KSR1: variants seen among roughly 807,000 people sequenced by gnomAD.
KSR1 encodes kinase suppressor of ras.
In KSR1, 35 loss-of-function variants were observed where a neutral mutation model predicts 92.9. That is an observed-to-expected ratio of 0.38 (90% confidence interval 0.29 to 0.50). The LOEUF (loss-of-function observed/expected upper bound fraction) is 0.50. KSR1 is among the 20% of genes least tolerant of loss of function. The probability of loss-of-function intolerance (pLI) is 0.94; values close to 1 mark genes in which losing one functional copy is unlikely to be tolerated. For synonymous variants in KSR1, 467 were observed against 472.6 expected (o/e 0.99, Z 0.15); for missense variants, 972 against 1,158.5 (o/e 0.84, Z 2.34).
chr17:27,607,155 CA>C (rs984767220), intron 14 of KSR1, among the ~76,000 whole-genome samples: 4 of 152,098 alleles, frequency 2.6e-5, no homozygotes, highest in African/African-American at 9.7e-5. Flanking sequence ...TATTCATTAA[CA>C]AAAAAATCTT....
At chr17:27,581,263 C>T (rs2072742237) in intron 3 of KSR1, among the ~76,000 whole-genome samples, 1 of 152,140 alleles carries the variant, frequency 6.6e-6, no homozygotes, top group Non-Finnish European at 1.5e-5. Flanking sequence ...CCAAAACAGT[C>T]ATGAGAAACC....
chr17:27,601,998 T>A (rs754348226), intron 11 of KSR1: 6 of 1,442,796 alleles, frequency 4.2e-6, no homozygotes, highest in Non-Finnish European at 4.8e-6. Flanking sequence ...AAAGTTGTTT[T>A]CTACACTTAC....
At chr17:27,548,705 C>T (rs1487381894) in intron 1 of KSR1, among the ~76,000 whole-genome samples, 1 of 152,104 alleles carries the variant, frequency 6.6e-6, no homozygotes, top group African/African-American at 2.4e-5. Context: ...TGGCATGCGC[C>T]TATACTTCCA....
chr17:27,481,327 T>C (rs1274420175), intron 1 of KSR1, among the ~76,000 whole-genome samples: 1 of 152,230 alleles, frequency 6.6e-6, no homozygotes, highest in African/African-American at 2.4e-5. Flanking sequence ...CCAGTTTTCT[T>C]GTTTGTGGAA....
chr17:27,576,288 C>G (rs1379102590), intron 2 of KSR1, among the ~76,000 whole-genome samples: 1 of 152,110 alleles, frequency 6.6e-6, no homozygotes, highest in African/African-American at 2.4e-5. Flanking sequence ...CAGTGGATGC[C>G]TGAAACCATG....
rs1354136322 is a variant in KSR1, at chr17:27,590,819, C to T, written c.1055C>T (p.Thr352Ile). 2 of 1,610,522 alleles carry T rather than the reference C, an allele frequency of 1.2e-6. No individual in the cohort carries two copies. Among genetic ancestry groups the T allele is most frequent in the African/African-American group, 1.3e-5 (1 of 74,876 alleles). Residue 352 changes from threonine to isoleucine, a missense_variant, in exon 7 of 21, where the codon ACC becomes ATC. By Grantham distance (89) the Thr-to-Ile change is moderately conservative. Transcript: ENST00000644974. ...IGLSVTHRFS[T>I]KSWLSQVCHV... ...GTGTCCGCCCTCTGCAGGTTCTCCA[C>T]CAAGTCCTGGCTGTCGCAGGTCTGC...
chr17:27,456,820 C>A lies in KSR1; in HGVS notation c.177C>A (p.Arg59=). The part of the protein sequence containing the change: ...DISIGSLRGL[R]TKCAVSNDLT... ...CCATCGGCAGCCTGCGCGGGCTGCGCACCAAGTGCGCTGTGTCCAACGACC... is the reference window on the plus strand; with the variant it reads ...CCATCGGCAGCCTGCGCGGGCTGCGAACCAAGTGCGCTGTGTCCAACGACC... Residue 59 remains arginine (R), a synonymous_variant, in exon 1 of 21, where the codon CGC becomes CGA. Transcript: ENST00000644974. The A allele has an allele frequency of 2.0e-6, 3 of 1,480,308 alleles. No individual in the cohort carries two copies. The highest frequency in any genetic ancestry group is 2.3e-5 in the South Asian group (2 of 88,792). 91.7% of individuals were successfully genotyped at this position (1,480,308 alleles called of 1,614,324 possible). A position where few individuals can be genotyped will look rare whatever the true frequency, so the allele number is the denominator to read the frequency against.
In KSR1 at chr17:27,582,691, G is replaced by A. The variant is rs1199776213; in HGVS notation, c.566G>A (p.Arg189Gln). Residue 189 changes from arginine to glutamine, a missense_variant, in exon 4 of 21, where the codon CGG becomes CAG. Around this residue, in one of 5 missense-constraint regions of KSR1, gnomAD observed 611 missense variants for 668.0 expected, o/e 0.91. Transcript: ENST00000644974. ...TCCAGTTGGAGTTCATTGGATGCGCGGCGGGAAAGTGGCTCAGGGCCTTCC... is the reference window on the plus strand; with the variant it reads ...TCCAGTTGGAGTTCATTGGATGCGCAGCGGGAAAGTGGCTCAGGGCCTTCC... ...EDSSWSSLDA[R>Q]RESGSGPSTD... The A allele has an allele frequency of 9.9e-6, 16 of 1,613,234 alleles. No homozygotes were observed. Among genetic ancestry groups the A allele is most frequent in the South Asian group, 2.2e-5 (2 of 91,032 alleles).
intron 9 of KSR1, among the ~76,000 whole-genome samples, chr17:27,593,435 G>A (rs2073235334): frequency 2.6e-5 from 4 of 152,060 alleles, no homozygotes; most frequent in Admixed American, 6.5e-5. Flanking sequence ...GGGGCTTAGC[G>A]TGTGCCCCCC....
At chr17:27,510,651 G>T (rs993235821) in intron 1 of KSR1, among the ~76,000 whole-genome samples, 2 of 152,182 alleles carry the variant, frequency 1.3e-5, no homozygotes, top group Non-Finnish European at 2.9e-5. Flanking sequence ...GAGAGGATTT[G>T]AGTGAGGCTG....
At chr17:27,515,441 G>A (rs923404206) in intron 1 of KSR1, among the ~76,000 whole-genome samples, 7 of 152,028 alleles carry the variant, frequency 4.6e-5, no homozygotes, top group Admixed American at 1.3e-4. Flanking sequence ...GTTACACGCC[G>A]CATGACTGTA....
chr17:27,564,323 A>G (rs2071969912), intron 2 of KSR1, among the ~76,000 whole-genome samples: 1 of 152,210 alleles, frequency 6.6e-6, no homozygotes, highest in South Asian at 2.1e-4. Flanking sequence ...GATGGGATGG[A>G]TAGATGGACA....
At chr17:27,617,570 A>C (rs4268811) in intron 19 of KSR1, 142 bp downstream of exon 19, 368,714 of 1,014,330 alleles carry the variant, frequency 0.36, 70,075 homozygotes, top group South Asian at 0.52. Flanking sequence ...TCTTGTCATC[A>C]GGGCTGGAGT....
intron 2 of KSR1, among the ~76,000 whole-genome samples, chr17:27,572,591 C>T (rs1429252449): frequency 6.6e-6 from 1 of 152,226 alleles, no homozygotes; most frequent in African/African-American, 2.4e-5. Context: ...GGGATGCCCT[C>T]CTGGGGCACT....
chr17:27,512,718 G>A (rs887171651), intron 1 of KSR1, among the ~76,000 whole-genome samples: 2 of 152,164 alleles, frequency 1.3e-5, no homozygotes, highest in East Asian at 1.9e-4. Flanking sequence ...CCAAGACTCC[G>A]TCTCCAAACA....
intron 2 of KSR1, among the ~76,000 whole-genome samples, chr17:27,553,121 C>T (rs1318492837): frequency 6.6e-6 from 1 of 152,214 alleles, no homozygotes; most frequent in South Asian, 2.1e-4. Context: ...AGCCCTTTCA[C>T]CTTCCAAAGC....
chr17:27,516,833 G>T (rs1234594803), intron 1 of KSR1, among the ~76,000 whole-genome samples: 1 of 152,084 alleles, frequency 6.6e-6, no homozygotes, highest in Non-Finnish European at 1.5e-5. Flanking sequence ...TTGGGTTACA[G>T]CTTGGTTTTA....
In KSR1 at chr17:27,531,885, C is replaced by A. The variant is rs759133174; in HGVS notation, c.232-18683C>A. 9.9e-4 allele frequency among the ~76,000 whole-genome samples: 150 copies of A among 152,184 alleles called. 2 individuals are homozygous for A. The highest frequency in any genetic ancestry group is 5.6e-4 in the Non-Finnish European group (38 of 68,034). ...CATTTTATACACTTCTCAAAACAGT[C>A]CCTGTTTGTTAAATAAAAATAGGGA... On this transcript the variant is annotated intron_variant, in intron 1 of 20. Transcript: ENST00000644974.
At position 27,583,451 on chromosome 17, in the gene KSR1, G is replaced by A. The variant is rs58827432; in HGVS notation, c.980+346G>A. Among the ~76,000 whole-genome samples the A allele has an allele frequency of 1.5e-3, 235 of 152,328 alleles. 1 individual carries two copies. Among genetic ancestry groups the A allele is most frequent in the African/African-American group, 5.3e-3 (219 of 41,576 alleles). On this transcript the variant is annotated intron_variant, in intron 4 of 20. Transcript: ENST00000644974. ...GCCTTGTCCATCTTGTCCATCATGG[G>A]TCAGCCTCCTTCCGGGCCCAGACTG...
Sources: gnomAD v4.1 joint callset for allele counts (sites outside exome capture counted in the v4.1 genomes callset) on GRCh38, gnomAD v4.1.1 for gene constraint, gnomAD v4.1.1 regional missense constraint, MANE v1.5 for transcripts, NCBI Gene and HGNC (gene_info 2026-07-23, HGNC 2026-07-21) for gene names.